CRISPLD2: variants seen among roughly 807,000 people sequenced by gnomAD.
The protein encoded by CRISPLD2 is cysteine-rich secretory protein LCCL domain-containing 2.
Under a neutral mutation model 71.1 loss-of-function variants are expected in CRISPLD2, and 47 were observed. The observed-to-expected ratio is 0.66, with a 90% CI of 0.52 to 0.84. The LOEUF is 0.84. Ranked by LOEUF, CRISPLD2 falls within the 40% of genes least tolerant of loss-of-function variation. The pLI is 0.00. For synonymous variants in CRISPLD2, 317 were observed against 250.1 expected (o/e 1.27, Z -2.52); for missense variants, 830 against 651.1 (o/e 1.27, Z -2.99).
At position 84,871,870 on chromosome 16, in the gene CRISPLD2, GAAAAAAAAAAAA is replaced by G. The variant is rs56328159; in HGVS notation, c.915-554_915-543del. Among the ~76,000 whole-genome samples the G allele has an allele frequency of 5.1e-4, 51 of 100,056 alleles. 3 individuals carry two copies. The highest frequency in any genetic ancestry group is 8.3e-4 in the Admixed American group (8 of 9,610). The allele number at this position is 100,056 out of a possible 152,430, so 65.6% of individuals were successfully genotyped here. A position where few individuals can be genotyped will look rare whatever the true frequency, so the allele number is the denominator to read the frequency against. On this transcript the variant is annotated intron_variant, in intron 8 of 14. Coordinates refer to ENST00000262424, the MANE Select transcript of CRISPLD2 (RefSeq NM_031476.4). The stretch of plus-strand genomic sequence containing the variant: ...CCTGGCCTTGTTTTTTTTCAAATGA[GAAAAAAAAAAAA>G]AAAAAAAAAAAAAAAAAGACTATGG...
Position 84,850,453 on chromosome 16 carries a change from C to A in CRISPLD2, c.493-115C>A, listed in dbSNP as rs933326822. ...GGGTTAGGGACTAATATCTGCTTCCCCAACCCTTCACCTCGTACCTCTTTA... is the reference window on the plus strand; with the variant it reads ...GGGTTAGGGACTAATATCTGCTTCCACAACCCTTCACCTCGTACCTCTTTA... On this transcript the variant is annotated intron_variant, in intron 4 of 14. Coordinates refer to ENST00000262424, the MANE Select transcript of CRISPLD2 (RefSeq NM_031476.4). 6.3e-6 allele frequency: 5 copies of A among 796,586 alleles called. No individual in the cohort carries two copies. The Admixed American group carries it at 1.0e-4, about 16-fold the overall frequency. 49.3% of individuals were successfully genotyped at this position (796,586 alleles called of 1,614,324 possible). A position where few individuals can be genotyped will look rare whatever the true frequency, so the allele number is the denominator to read the frequency against.
chr16:84,885,846 T>C (rs912390472), intron 13 of CRISPLD2, among the ~76,000 whole-genome samples: 1 of 138,888 alleles, frequency 7.2e-6, no homozygotes, highest in African/African-American at 2.7e-5. Flanking sequence ...AGATGGGATC[T>C]GGAGCTCTGT....
intron 14 of CRISPLD2, among the ~76,000 whole-genome samples, chr16:84,890,158 A>G (rs2071648789): frequency 6.6e-6 from 1 of 152,080 alleles, no homozygotes; most frequent in Admixed American, 6.6e-5. Flanking sequence ...GGAGATCGAG[A>G]CCATCCTGGC....
intron 1 of CRISPLD2, among the ~76,000 whole-genome samples, chr16:84,837,893 G>A (rs1033690627): frequency 6.6e-6 from 1 of 152,216 alleles, no homozygotes; most frequent in African/African-American, 2.4e-5. Flanking sequence ...GTGTCTTAGT[G>A]TGCAACAGAT....
chr16:84,856,031 G>T (rs1312697717), intron 6 of CRISPLD2, among the ~76,000 whole-genome samples: 1 of 152,210 alleles, frequency 6.6e-6, no homozygotes, highest in Admixed American at 6.5e-5. Flanking sequence ...TCTGCAACTG[G>T]TCACGTGGTT....
chr16:84,905,268 A>G (rs887815220), intron 14 of CRISPLD2, among the ~76,000 whole-genome samples: 1 of 152,222 alleles, frequency 6.6e-6, no homozygotes, highest in South Asian at 2.1e-4. Flanking sequence ...GTCTAAAACA[A>G]TTTTTAAAAA....
chr16:84,863,583 G>A (rs1456357540), intron 6 of CRISPLD2, among the ~76,000 whole-genome samples: 1 of 152,356 alleles, frequency 6.6e-6, no homozygotes, highest in East Asian at 1.9e-4. Context: ...GTGCGAGCCT[G>A]GGCAGGGCCC....
At chr16:84,853,765 C>T (rs956310470) in intron 5 of CRISPLD2, among the ~76,000 whole-genome samples, 2 of 152,348 alleles carry the variant, frequency 1.3e-5, no homozygotes, top group East Asian at 1.9e-4. Flanking sequence ...AGTCAGGTGC[C>T]GGTCCAAGGG....
chr16:84,853,874 G>T (rs1174922777), intron 5 of CRISPLD2, among the ~76,000 whole-genome samples: 1 of 152,242 alleles, frequency 6.6e-6, no homozygotes, highest in Non-Finnish European at 1.5e-5. Context: ...GAGGCTGGCC[G>T]AGGGCACATG....
chr16:84,833,269 C>T (rs1016197406), intron 1 of CRISPLD2, among the ~76,000 whole-genome samples: 28 of 152,238 alleles, frequency 1.8e-4, no homozygotes, highest in African/African-American at 6.5e-4. Context: ...AAGCTCTGTC[C>T]GTTCCCCTCC....
At chr16:84,842,774 A>G (rs911731788) in intron 2 of CRISPLD2, among the ~76,000 whole-genome samples, 1 of 152,180 alleles carries the variant, frequency 6.6e-6, no homozygotes, top group Non-Finnish European at 1.5e-5. Flanking sequence ...GAAAGGGGCC[A>G]TGGGAACGTT....
intron 7 of CRISPLD2, among the ~76,000 whole-genome samples, 191 bp from the exon 8 acceptor site, chr16:84,868,660 T>C (rs1262985044): frequency 1.3e-5 from 2 of 152,384 alleles, no homozygotes; most frequent in South Asian, 4.1e-4. Context: ...AAGGTCACAC[T>C]GCTACTGTAA....
chr16:84,872,382 CATT>C, intron 8 of CRISPLD2, 57 bp from the exon 9 acceptor site: 1 of 1,338,826 alleles, frequency 7.5e-7, no homozygotes, highest in Admixed American at 1.7e-5. Context: ...ATGATAAACT[CATT>C]GTGAGATGTA....
intron 5 of CRISPLD2, among the ~76,000 whole-genome samples, chr16:84,850,947 A>G (rs1917073316): frequency 6.6e-6 from 1 of 152,184 alleles, no homozygotes; most frequent in African/African-American, 2.4e-5. Flanking sequence ...CCCAAGCACA[A>G]GGAAGGATGG....
intron 1 of CRISPLD2, among the ~76,000 whole-genome samples, chr16:84,823,901 A>C (rs1916287525): frequency 6.6e-6 from 1 of 152,204 alleles, no homozygotes; most frequent in Non-Finnish European, 1.5e-5. Flanking sequence ...GAATGGCAAC[A>C]TCCCAGGAAA....
chr16:84,820,577 C>T (rs1490262774), intron 1 of CRISPLD2, among the ~76,000 whole-genome samples: 2 of 152,170 alleles, frequency 1.3e-5, no homozygotes, highest in Non-Finnish European at 2.9e-5. Context: ...CATGTGCATT[C>T]AGCTGCAGTT....
intron 6 of CRISPLD2, among the ~76,000 whole-genome samples, chr16:84,866,108 A>G (rs1917527173): frequency 6.6e-6 from 1 of 152,138 alleles, no homozygotes; most frequent in Non-Finnish European, 1.5e-5. Flanking sequence ...AGGAGCACTG[A>G]GGCTGGCCTT....
chr16:84,834,806 CAT>C (rs1426444496), intron 1 of CRISPLD2, among the ~76,000 whole-genome samples: 4 of 152,166 alleles, frequency 2.6e-5, no homozygotes, highest in African/African-American at 9.7e-5. Context: ...CCTGTGTCCT[CAT>C]GTGGTCGTCC....
chr16:84,825,091 A>G (rs1364054147), intron 1 of CRISPLD2, among the ~76,000 whole-genome samples: 2 of 152,166 alleles, frequency 1.3e-5, no homozygotes, highest in African/African-American at 4.8e-5. Flanking sequence ...TGGGTGACGG[A>G]GCGAGATGCC....
Sources: gnomAD v4.1 joint callset for allele counts (sites outside exome capture counted in the v4.1 genomes callset) on GRCh38, gnomAD v4.1.1 for gene constraint, MANE v1.5 for transcripts, NCBI Gene and HGNC (gene_info 2026-07-23, HGNC 2026-07-21) for gene names.